Variants in NRP1 observed in about 807,000 individuals in gnomAD.
The protein encoded by NRP1 is neuropilin-1.
In NRP1, 35 loss-of-function variants were observed where a neutral mutation model predicts 106.7. That is an observed-to-expected ratio of 0.33 (90% CI 0.25 to 0.43). NRP1 has a LOEUF of 0.43. Ranked by LOEUF, NRP1 falls within the 20% of genes least tolerant of loss-of-function variation. NRP1 has a pLI of 1.00. For synonymous variants in NRP1, 437 were observed against 417.9 expected (o/e 1.05, Z -0.56); for missense variants, 1,024 against 1,170.4 (o/e 0.87, Z 1.83).
intron 1 of NRP1, among the ~76,000 whole-genome samples, chr10:33,331,545 C>A (rs547235736): frequency 6.6e-6 from 1 of 152,140 alleles, no homozygotes; most frequent in East Asian, 1.9e-4. Context: ...ATCAAAGCAA[C>A]GGGGCAGAAG....
In NRP1 at chr10:33,251,790, A is replaced by T. The variant is rs187703470; in HGVS notation, c.981+2238T>A. 2.5e-3 allele frequency among the ~76,000 whole-genome samples: 375 copies of T among 152,236 alleles called. 1 individual carries two copies. The highest frequency in any genetic ancestry group is 4.0e-3 in the Non-Finnish European group (270 of 68,008). On this transcript the variant is annotated intron_variant, in intron 6 of 16. Coordinates refer to ENST00000374867, the MANE Select transcript of NRP1 (RefSeq NM_003873.7). The stretch of plus-strand genomic sequence containing the variant: ...GTTTCAGAGCTCCTGGAAGACCACC[A>T]TTTCTACCTTAGTGAGAGCTCCCCA...
intron 6 of NRP1, among the ~76,000 whole-genome samples, chr10:33,228,470 A>G (rs1839854084): frequency 6.6e-6 from 1 of 152,204 alleles, no homozygotes; most frequent in Non-Finnish European, 1.5e-5. Flanking sequence ...CCATATTACA[A>G]CTCAATTTTC....
Position 33,179,781 on chromosome 10 carries a change from G to C in NRP1, c.*295C>G. The C allele has an allele frequency of 3.0e-6, 1 of 330,546 alleles. No homozygotes were observed. Among genetic ancestry groups the C allele is most frequent in the Non-Finnish European group, 5.6e-6 (1 of 178,926 alleles). 20.5% of individuals were successfully genotyped at this position (330,546 alleles called of 1,614,324 possible). ...ACAAAGGGGAGAGGAGAGAGAGAGA[G>C]AGGGGCAGGAGGGGTCGAAATGAAT... On this transcript the variant is annotated 3_prime_UTR_variant, in exon 17 of 17. Coordinates refer to ENST00000374867, the MANE Select transcript of NRP1 (RefSeq NM_003873.7).
chr10:33,213,831 A>T, intron 8 of NRP1, 114 bp from the exon 9 acceptor site: 1 of 811,024 alleles, frequency 1.2e-6, no homozygotes, highest in South Asian at 1.9e-5. Context: ...ATCATATACA[A>T]TTTTCAGTCT....
At chr10:33,227,815 C>T (rs1462568174) in intron 6 of NRP1, among the ~76,000 whole-genome samples, 2 of 152,106 alleles carry the variant, frequency 1.3e-5, no homozygotes. Flanking sequence ...ACTCCATGTT[C>T]TAGTCCAGAC....
chr10:33,324,580 T>A (rs1003897106), intron 2 of NRP1, among the ~76,000 whole-genome samples: 6 of 152,354 alleles, frequency 3.9e-5, no homozygotes, highest in Middle Eastern at 3.4e-3. Flanking sequence ...AAATAGTACC[T>A]ATTTTTTCTA....
intron 3 of NRP1, among the ~76,000 whole-genome samples, chr10:33,269,124 T>A (rs1588886444): frequency 6.6e-6 from 1 of 152,186 alleles, no homozygotes; most frequent in East Asian, 1.9e-4. Context: ...CATTCAAATC[T>A]TGATCCTCTT....
chr10:33,218,818 T>C (rs1838994202), intron 8 of NRP1, among the ~76,000 whole-genome samples: 2 of 152,050 alleles, frequency 1.3e-5, no homozygotes, highest in South Asian at 4.2e-4. Context: ...AAATTTGAGG[T>C]CCAGCCGCTT....
intron 3 of NRP1, among the ~76,000 whole-genome samples, chr10:33,266,172 A>C (rs986807931): frequency 1.2e-4 from 18 of 152,316 alleles, no homozygotes; most frequent in African/African-American, 2.4e-5. Context: ...TTTATTGAGA[A>C]AAAAATGACA....
chr10:33,297,019 T>C (rs1293987914), intron 2 of NRP1, among the ~76,000 whole-genome samples: 1 of 151,948 alleles, frequency 6.6e-6, no homozygotes, highest in Non-Finnish European at 1.5e-5. Flanking sequence ...AAAAACCAAT[T>C]TAAACAAAGA....
intron 2 of NRP1, among the ~76,000 whole-genome samples, chr10:33,312,161 T>C (rs1846650667): frequency 6.6e-6 from 1 of 152,224 alleles, no homozygotes. Flanking sequence ...ATTTATTATT[T>C]TAATTATTTT....
rs71521489 is a variant in NRP1 at position 33,216,140 on chromosome 10, C to CTT, written c.1283-2425_1283-2424dup. Among the ~76,000 whole-genome samples the CTT allele has an allele frequency of 6.6e-3, 923 of 139,016 alleles. 7 individuals carry two copies. Among genetic ancestry groups the CTT allele is most frequent in the African/African-American group, 0.016 (621 of 37,894 alleles). The allele number at this position is 139,016 out of a possible 152,430, so 91.2% of individuals were successfully genotyped here. A position where few individuals can be genotyped will look rare whatever the true frequency, so the allele number is the denominator to read the frequency against. ...CTGCATTTCCCTTCTTTCTTTCTTT[C>CTT]TTTTTTTTTTTTTTTGAGAAGGAGT... On this transcript the variant is annotated intron_variant, in intron 8 of 16. Coordinates refer to ENST00000374867, the MANE Select transcript of NRP1 (RefSeq NM_003873.7).
At position 33,254,142 on chromosome 10, in the gene NRP1, G is replaced by T. The variant is rs764772224; in HGVS notation, c.867C>A (p.Asp289Glu). ...LGMESGEIHS[D>E]QITASSQYST... ...TATACTGGGAAGAAGCTGTGATCTG[G>T]TCAGAATGAATTTCTCCTGATTCCA... Residue 289 changes from aspartate to glutamate, a missense_variant, in exon 6 of 17, where the codon GAC becomes GAA. Asp to Glu is a conservative substitution (Grantham distance 45). Around this residue, in one of 5 missense-constraint regions of NRP1, gnomAD observed 562 missense variants for 620.3 expected, o/e 0.91. Transcript: ENST00000374867. The T allele has an allele frequency of 3.1e-6, 5 of 1,613,740 alleles. No homozygotes were observed. The highest frequency in any genetic ancestry group is 4.2e-6 in the Non-Finnish European group (5 of 1,179,952).
chr10:33,299,166 A>C (rs1300557618), intron 2 of NRP1, among the ~76,000 whole-genome samples: 3 of 152,206 alleles, frequency 2.0e-5, no homozygotes, highest in African/African-American at 7.2e-5. Flanking sequence ...TACTGATCTG[A>C]AAACGATGCT....
chr10:33,210,564 T>C lies in NRP1; in HGVS notation c.1614+2822A>G, dbSNP rs184810779. Among the ~76,000 whole-genome samples, 31 of 152,358 alleles carry C rather than the reference T, an allele frequency of 2.0e-4. No homozygotes were observed. The East Asian group carries it at 6.0e-3, about 29-fold the overall frequency. On this transcript the variant is annotated intron_variant, in intron 9 of 16. Coordinates refer to ENST00000374867, the MANE Select transcript of NRP1 (RefSeq NM_003873.7). ...GGCTAACTGATATAATAAACTTACT[T>C]ATGAATTCTTTGTGTTCTGTTGCTA...
intron 2 of NRP1, among the ~76,000 whole-genome samples, chr10:33,308,797 T>C (rs1395516280): frequency 2.0e-5 from 3 of 152,098 alleles, no homozygotes; most frequent in African/African-American, 7.2e-5. Flanking sequence ...CCTCAATTTT[T>C]TTAAAAAATG....
chr10:33,253,911 C>T (rs554670340), intron 6 of NRP1, 117 bp downstream of exon 6: 11 of 865,206 alleles, frequency 1.3e-5, no homozygotes, highest in Middle Eastern at 3.6e-4. Flanking sequence ...ACCTGATGGC[C>T]GTGAACCTAT....
At chr10:33,308,872 T>C (rs1350168032) in intron 2 of NRP1, among the ~76,000 whole-genome samples, 3 of 152,140 alleles carry the variant, frequency 2.0e-5, no homozygotes, top group Admixed American at 6.5e-5. Context: ...ATTTTAAAAT[T>C]CATTTCAGAT....
chr10:33,254,118 A>G lies in NRP1; in HGVS notation c.891T>C (p.Tyr297=). Residue 297 remains tyrosine (Y), a synonymous_variant, in exon 6 of 17, where the codon TAT becomes TAC. Transcript: ENST00000374867. ...HSDQITASSQ[Y]STNWSAERSR... is the part of the protein sequence containing the mutation. ...AGCGCTCTGCAGACCAGTTGGTGCT[A>G]TACTGGGAAGAAGCTGTGATCTGGT... The G allele has an allele frequency of 1.2e-6, 2 of 1,613,996 alleles. No individual in the cohort carries two copies. The highest frequency in any genetic ancestry group is 1.7e-6 in the Non-Finnish European group (2 of 1,179,908).
Sources: gnomAD v4.1 joint callset for allele counts (sites outside exome capture counted in the v4.1 genomes callset) on GRCh38, gnomAD v4.1.1 for gene constraint, gnomAD v4.1.1 regional missense constraint, MANE v1.5 for transcripts, NCBI Gene and HGNC (gene_info 2026-07-23, HGNC 2026-07-21) for gene names.